WASL: variants seen among roughly 807,000 people sequenced by gnomAD.
WASL encodes the protein actin nucleation-promoting factor WASL.
A neutral mutation model predicts 55.5 loss-of-function variants in WASL; 20 were observed. That is an observed-to-expected ratio of 0.36 (90% CI 0.25 to 0.52). WASL has a LOEUF of 0.52. WASL is among the 20% of genes least tolerant of loss of function. The pLI is 0.92. For missense variants in WASL, 504 were observed against 622.5 expected, an observed-to-expected ratio of 0.81 and a Z score of 2.03; for synonymous variants, 249 against 217.6, an observed-to-expected ratio of 1.14 and a Z score of -1.27.
At chr7:123,737,253 C>T (rs930244684) in intron 1 of WASL, among the ~76,000 whole-genome samples, 1 of 152,062 alleles carries the variant, frequency 6.6e-6, no homozygotes, top group Admixed American at 6.5e-5. Flanking sequence ...CCATGGGCCA[C>T]GGGTTGGAAA....
chr7:123,697,144 T>G (rs575128194), intron 5 of WASL, among the ~76,000 whole-genome samples: 1 of 152,160 alleles, frequency 6.6e-6, no homozygotes, highest in African/African-American at 2.4e-5. Flanking sequence ...ATTTTTGTTT[T>G]AAATTTAACA....
chr7:123,722,170 G>A (rs980896845), intron 1 of WASL, among the ~76,000 whole-genome samples: 6 of 152,054 alleles, frequency 3.9e-5, no homozygotes, highest in African/African-American at 1.4e-4. Context: ...TTTCAAGTGC[G>A]CAATAATCAC....
intron 1 of WASL, among the ~76,000 whole-genome samples, chr7:123,711,558 T>C (rs1803758333): frequency 6.6e-6 from 1 of 152,194 alleles, no homozygotes; most frequent in Admixed American, 6.6e-5. Context: ...CCACAGCACC[T>C]TGTAAAGCCT....
intron 1 of WASL, among the ~76,000 whole-genome samples, chr7:123,718,092 TGTTA>T (rs1282879539): frequency 8.3e-6 from 1 of 120,766 alleles, no homozygotes; most frequent in Non-Finnish European, 1.9e-5. Flanking sequence ...TATATTGGAC[TGTTA>T]ATTAATAATA....
At chr7:123,712,689 A>G (rs1368046167) in intron 1 of WASL, among the ~76,000 whole-genome samples, 1 of 152,142 alleles carries the variant, frequency 6.6e-6, no homozygotes, top group Non-Finnish European at 1.5e-5. Context: ...CAACCACAGC[A>G]ATCTTGAGAA....
rs554004753 is a variant in WASL, at chr7:123,711,732, T to C, written c.118-2509A>G. On this transcript the variant is annotated intron_variant, in intron 1 of 10. Transcript: ENST00000223023. ...ACATTCCTTCCATTCCTTTAAGTAA[T>C]TACAACAAATCAATTCCATTCCTTC... 2.0e-5 allele frequency among the ~76,000 whole-genome samples: 3 copies of C among 152,266 alleles called. No homozygotes were observed. The South Asian group carries it at 6.2e-4, about 32-fold the overall frequency.
intron 1 of WASL, among the ~76,000 whole-genome samples, chr7:123,748,074 A>G (rs1290123557): frequency 6.6e-6 from 1 of 152,084 alleles, no homozygotes. Context: ...GAAGAGCAAT[A>G]ACATTTCTTG....
chr7:123,707,689 G>C (rs914421229), intron 2 of WASL, among the ~76,000 whole-genome samples: 2 of 152,176 alleles, frequency 1.3e-5, no homozygotes, highest in Admixed American at 6.5e-5. Context: ...GGAGTAGTAA[G>C]TGTATGCCAT....
At chr7:123,709,353 A>G (rs1168090038) in intron 1 of WASL, 130 bp from the exon 2 acceptor site, 1 of 636,978 alleles carries the variant, frequency 1.6e-6, no homozygotes, top group East Asian at 3.2e-5. Flanking sequence ...AAACAAGGAA[A>G]TAATAAACAT....
intron 8 of WASL, among the ~76,000 whole-genome samples, chr7:123,693,745 C>T (rs1803450084): frequency 6.6e-6 from 1 of 152,162 alleles, no homozygotes; most frequent in South Asian, 2.1e-4. Flanking sequence ...GCGGGAGGAT[C>T]ACTTGAGGCC....
chr7:123,731,357 T>C (rs1804133659), intron 1 of WASL, among the ~76,000 whole-genome samples: 1 of 152,148 alleles, frequency 6.6e-6, no homozygotes, highest in African/African-American at 2.4e-5. Context: ...ATAGATCCTC[T>C]ATTTTACTTA....
chr7:123,728,207 G>T (rs1804082290), intron 1 of WASL, among the ~76,000 whole-genome samples: 3 of 152,134 alleles, frequency 2.0e-5, no homozygotes, highest in African/African-American at 7.2e-5. Context: ...ACTCACATTT[G>T]TTTAACATTA....
At chr7:123,686,623 T>C (rs541144396) in intron 10 of WASL, among the ~76,000 whole-genome samples, 17 of 152,270 alleles carry the variant, frequency 1.1e-4, no homozygotes, top group African/African-American at 3.8e-4. Flanking sequence ...AACTCACAGA[T>C]ACCAGCATAG....
chr7:123,688,983 A>C, intron 10 of WASL, 59 bp downstream of exon 10: 1 of 1,392,350 alleles, frequency 7.2e-7, no homozygotes. Context: ...CAAATTTATT[A>C]AACACACACG....
intron 10 of WASL, among the ~76,000 whole-genome samples, chr7:123,688,413 T>C (rs1803333169): frequency 6.6e-6 from 1 of 152,132 alleles, no homozygotes; most frequent in Non-Finnish European, 1.5e-5. Context: ...CATGTCGGAG[T>C]GCAATGGTGC....
At chr7:123,698,052 T>A (rs1458608610) in intron 5 of WASL, among the ~76,000 whole-genome samples, 1 of 151,410 alleles carries the variant, frequency 6.6e-6, no homozygotes, top group Non-Finnish European at 1.5e-5. Context: ...TGGAAACTTG[T>A]GTGTGGTTTT....
At chr7:123,735,966 G>C (rs1009708073) in intron 1 of WASL, among the ~76,000 whole-genome samples, 10 of 151,952 alleles carry the variant, frequency 6.6e-5, no homozygotes, top group Admixed American at 2.0e-4. Flanking sequence ...ACTGCACAAA[G>C]GCACATCATA....
At chr7:123,702,856 G>A (rs998554035) in intron 5 of WASL, among the ~76,000 whole-genome samples, 1 of 152,066 alleles carries the variant, frequency 6.6e-6, no homozygotes, top group South Asian at 2.1e-4. Flanking sequence ...GATCCAACAT[G>A]GATACATGTA....
intron 2 of WASL, among the ~76,000 whole-genome samples, chr7:123,707,146 T>A (rs1803684802): frequency 6.6e-6 from 1 of 152,128 alleles, no homozygotes; most frequent in Admixed American, 6.5e-5. Flanking sequence ...AATTACTAGG[T>A]CATCAATGTT....
Sources: gnomAD v4.1 joint callset for allele counts (sites outside exome capture counted in the v4.1 genomes callset) on GRCh38, gnomAD v4.1.1 for gene constraint, MANE v1.5 for transcripts, NCBI Gene and HGNC (gene_info 2026-07-23, HGNC 2026-07-21) for gene names.